The following STX8 variants were observed in gnomAD, a reference collection of about 807,000 sequenced individuals.
STX8 encodes syntaxin-8.
A neutral mutation model predicts 37.5 loss-of-function variants in STX8; 23 were observed. That is an observed-to-expected ratio of 0.61 (90% CI 0.44 to 0.87). The LOEUF is 0.87. Ranked by LOEUF, STX8 falls within the 40% of genes least tolerant of loss-of-function variation. STX8 has a pLI of 0.00. For synonymous variants in STX8, 115 were observed against 99.1 expected (o/e 1.16, Z -0.95); for missense variants, 313 against 284.7 (o/e 1.10, Z -0.71).
chr17:9,293,819 C>T (rs1048001277), intron 7 of STX8, among the ~76,000 whole-genome samples: 32 of 150,900 alleles, frequency 2.1e-4, no homozygotes, highest in Non-Finnish European at 3.1e-4. Flanking sequence ...TGGAGTGCAG[C>T]GGCACGATCT....
chr17:9,565,612 CAAAAAAAA>C (rs61319674), intron 2 of STX8, among the ~76,000 whole-genome samples: 1 of 72,678 alleles, frequency 1.4e-5, no homozygotes, highest in Non-Finnish European at 2.8e-5. Flanking sequence ...AACACCGTCT[CAAAAAAAA>C]AAAAAAAAAA....
intron 6 of STX8, among the ~76,000 whole-genome samples, chr17:9,396,997 G>T (rs147146342): frequency 6.6e-6 from 1 of 152,232 alleles, no homozygotes; most frequent in African/African-American, 2.4e-5. Context: ...GACTAAAAGC[G>T]AAGGGACTTG....
At chr17:9,381,159 G>C (rs1200971832) in intron 6 of STX8, among the ~76,000 whole-genome samples, 1 of 152,046 alleles carries the variant, frequency 6.6e-6, no homozygotes, top group African/African-American at 2.4e-5. Flanking sequence ...ACTCCATGAT[G>C]TTCGCACAAT....
chr17:9,426,977 T>C (rs1192755506), intron 6 of STX8, among the ~76,000 whole-genome samples: 1 of 152,116 alleles, frequency 6.6e-6, no homozygotes, highest in Non-Finnish European at 1.5e-5. Flanking sequence ...TAGTCTGAAA[T>C]TCCCATTTTA....
intron 7 of STX8, among the ~76,000 whole-genome samples, chr17:9,287,197 C>T (rs1334224552): frequency 6.6e-6 from 1 of 152,178 alleles, no homozygotes; most frequent in African/African-American, 2.4e-5. Context: ...CAGTGTCTTA[C>T]AGTAGATGAC....
chr17:9,459,074 C>A (rs886477993), intron 6 of STX8, among the ~76,000 whole-genome samples: 1 of 152,024 alleles, frequency 6.6e-6, no homozygotes, highest in African/African-American at 2.4e-5. Context: ...CCTAGTGATC[C>A]GCCTGCCTTG....
chr17:9,399,878 A>AG (rs1555523970), intron 6 of STX8, among the ~76,000 whole-genome samples: 5 of 151,038 alleles, frequency 3.3e-5, no homozygotes, highest in Non-Finnish European at 7.4e-5. Context: ...AAAAAAAAAA[A>AG]AAAGAAAGAA....
intron 7 of STX8, among the ~76,000 whole-genome samples, chr17:9,342,899 T>C (rs895034794): frequency 2.0e-5 from 3 of 151,884 alleles, no homozygotes; most frequent in Non-Finnish European, 4.4e-5. Flanking sequence ...TACGTGCCTG[T>C]AGTCCCAGCT....
At chr17:9,548,619 T>C (rs1254746277) in intron 3 of STX8, 3 of 152,134 alleles carry the variant, frequency 2.0e-5, no homozygotes, top group African/African-American at 4.8e-5. Context: ...ATGTAAACAA[T>C]GGAATGTTTT....
chr17:9,330,130 G>T (rs552018930), intron 7 of STX8, among the ~76,000 whole-genome samples: 8 of 152,304 alleles, frequency 5.3e-5, no homozygotes, highest in Admixed American at 5.2e-4. Flanking sequence ...CCCTCCGTAA[G>T]CTTTCCCAAG....
At chr17:9,259,676 T>C (rs1597569224) in intron 7 of STX8, among the ~76,000 whole-genome samples, 1 of 151,760 alleles carries the variant, frequency 6.6e-6, no homozygotes, top group South Asian at 2.1e-4. Context: ...GGACACCAGG[T>C]GAGAGGAACT....
intron 6 of STX8, among the ~76,000 whole-genome samples, chr17:9,396,791 G>A (rs1912421346): frequency 6.6e-6 from 1 of 151,290 alleles, no homozygotes; most frequent in Non-Finnish European, 1.5e-5. Flanking sequence ...AATCCGAACT[G>A]TACAGCACAA....
chr17:9,303,841 G>GA (rs935360903), intron 7 of STX8, among the ~76,000 whole-genome samples: 58 of 151,550 alleles, frequency 3.8e-4, no homozygotes, highest in Non-Finnish European at 6.8e-4. Context: ...TAAAGGTCTA[G>GA]AAAAAAAATC....
intron 3 of STX8, among the ~76,000 whole-genome samples, chr17:9,556,209 T>A (rs1906958493): frequency 6.6e-6 from 1 of 152,116 alleles, no homozygotes; most frequent in Admixed American, 6.5e-5. Flanking sequence ...ACACTTTCCA[T>A]TTTTTTATCT....
At chr17:9,502,387 C>T (rs575204185) in intron 5 of STX8, among the ~76,000 whole-genome samples, 2 of 152,216 alleles carry the variant, frequency 1.3e-5, no homozygotes, top group Non-Finnish European at 2.9e-5. Flanking sequence ...ATCGACTGTA[C>T]AACAGGGTAA....
At chr17:9,564,075 T>C (rs1907359620) in intron 2 of STX8, among the ~76,000 whole-genome samples, 1 of 152,194 alleles carries the variant, frequency 6.6e-6, no homozygotes, top group East Asian at 1.9e-4. Flanking sequence ...AAACTAGGTA[T>C]TCAAGGAACA....
intron 4 of STX8, among the ~76,000 whole-genome samples, chr17:9,534,064 T>C (rs763698975): frequency 2.2e-4 from 33 of 151,916 alleles, no homozygotes; most frequent in Non-Finnish European, 3.8e-4. Context: ...CATTGCTCTT[T>C]AAAAAGAAAT....
intron 6 of STX8, among the ~76,000 whole-genome samples, chr17:9,382,995 A>G (rs903387701): frequency 6.6e-6 from 1 of 152,208 alleles, no homozygotes; most frequent in African/African-American, 2.4e-5. Flanking sequence ...CGTATGAATG[A>G]ACGAATCCTG....
At chr17:9,421,100 G>T (rs1439399053) in intron 6 of STX8, among the ~76,000 whole-genome samples, 1 of 152,024 alleles carries the variant, frequency 6.6e-6, no homozygotes, top group Non-Finnish European at 1.5e-5. Context: ...CATTACTATA[G>T]AATTTTTTTT....
Sources: allele counts gnomAD v4.1 joint callset (sites outside exome capture counted in the v4.1 genomes callset), GRCh38; gene constraint gnomAD v4.1.1; transcripts MANE v1.5; gene names NCBI Gene and HGNC (gene_info 2026-07-23, HGNC 2026-07-21).